Variants in CSMD3 observed in about 807,000 individuals in gnomAD.
The protein encoded by CSMD3 is CUB and sushi domain-containing protein 3.
Under a neutral mutation model 435.2 loss-of-function variants are expected in CSMD3, and 177 were observed. That is an observed-to-expected ratio of 0.41 (90% CI 0.36 to 0.46). CSMD3 has a LOEUF of 0.46. CSMD3 is among the 20% of genes least tolerant of loss of function. The probability of loss-of-function intolerance (pLI) is 0.34; values close to 1 mark genes in which losing one functional copy is unlikely to be tolerated. For synonymous variants in CSMD3, 1,656 were observed against 1,520.5 expected, an observed-to-expected ratio of 1.09 and a Z score of -2.07; for missense variants, 4,265 against 4,504.6, an observed-to-expected ratio of 0.95 and a Z score of 1.52.
intron 22 of CSMD3, among the ~76,000 whole-genome samples, chr8:112,620,039 G>T (rs7464466): frequency 0.55 from 83,703 of 151,700 alleles, 23,352 homozygotes; most frequent in African/African-American, 0.6. Flanking sequence ...AAGTGGAGTG[G>T]GGTTGGGAGT....
intron 4 of CSMD3, among the ~76,000 whole-genome samples, chr8:113,105,767 A>C (rs1001405865): frequency 2.0e-5 from 3 of 152,180 alleles, no homozygotes; most frequent in African/African-American, 7.2e-5. Context: ...AAAAGACACA[A>C]ACTGAACCAA....
At chr8:112,967,481 T>G (rs1050898962) in intron 7 of CSMD3, among the ~76,000 whole-genome samples, 2 of 151,896 alleles carry the variant, frequency 1.3e-5, no homozygotes, top group African/African-American at 2.4e-5. Context: ...CTGAAGCTTT[T>G]TTTAACTAGC....
At chr8:113,186,252 C>T (rs2092499891) in intron 3 of CSMD3, among the ~76,000 whole-genome samples, 1 of 151,952 alleles carries the variant, frequency 6.6e-6, no homozygotes, top group South Asian at 2.1e-4. Flanking sequence ...GTTTCTATTG[C>T]CCTCCTCCCT....
intron 3 of CSMD3, among the ~76,000 whole-genome samples, chr8:113,204,723 G>A (rs2092752335): frequency 6.6e-6 from 1 of 151,970 alleles, no homozygotes; most frequent in Non-Finnish European, 1.5e-5. Flanking sequence ...CATTTTCTAT[G>A]TTTAGATGTA....
intron 22 of CSMD3, among the ~76,000 whole-genome samples, chr8:112,595,355 T>G (rs1252232135): frequency 1.1e-4 from 16 of 144,602 alleles, no homozygotes; most frequent in African/African-American, 3.9e-4. Context: ...CCAAGAAATA[T>G]GGGACTATGT....
intron 9 of CSMD3, among the ~76,000 whole-genome samples, chr8:112,924,363 A>T (rs2082845219): frequency 6.6e-6 from 1 of 152,140 alleles, no homozygotes; most frequent in African/African-American, 2.4e-5. Flanking sequence ...GGGATGGAGA[A>T]AGAAGGCCCA....
chr8:112,675,252 A>G (rs10955631), intron 16 of CSMD3, among the ~76,000 whole-genome samples: 83,656 of 151,924 alleles, frequency 0.55, 24,149 homozygotes, highest in African/African-American at 0.73. Flanking sequence ...CATTTCGAGT[A>G]TCCACAAGAA....
chr8:113,156,171 A>G (rs1436399640), intron 4 of CSMD3, among the ~76,000 whole-genome samples: 3 of 152,096 alleles, frequency 2.0e-5, no homozygotes, highest in Non-Finnish European at 2.9e-5. Flanking sequence ...ACATTACTTT[A>G]TTAACCTTAT....
At chr8:112,369,999 A>AGAGGAAGAG (rs1268253661) in intron 38 of CSMD3, among the ~76,000 whole-genome samples, 1 of 119,538 alleles carries the variant, frequency 8.4e-6, no homozygotes, top group African/African-American at 3.0e-5. Flanking sequence ...AAGAGGAAGA[A>AGAGGAAGAG]GAAGAGGAAG....
intron 7 of CSMD3, among the ~76,000 whole-genome samples, chr8:112,960,403 C>A (rs1032356219): frequency 6.6e-6 from 1 of 151,612 alleles, no homozygotes; most frequent in African/African-American, 2.4e-5. Context: ...ATACAATCTT[C>A]TGAGAAAACA....
At chr8:112,669,309 G>A (rs1219691313) in intron 16 of CSMD3, among the ~76,000 whole-genome samples, 6 of 151,980 alleles carry the variant, frequency 3.9e-5, no homozygotes, top group Non-Finnish European at 5.9e-5. Flanking sequence ...GGGATTACAG[G>A]CATGAGCCAC....
intron 1 of CSMD3, among the ~76,000 whole-genome samples, chr8:113,347,103 T>C (rs1165493999): frequency 1.3e-5 from 2 of 152,046 alleles, no homozygotes; most frequent in Admixed American, 6.6e-5. Context: ...CCTGAACATG[T>C]CTATTAATAA....
At chr8:112,682,381 G>T (rs1586958461) in intron 16 of CSMD3, 61 bp downstream of exon 16, 1 of 1,203,142 alleles carries the variant, frequency 8.3e-7, no homozygotes, top group East Asian at 2.3e-5. Flanking sequence ...TGTGTTTCTT[G>T]TTGTGGTTTC....
intron 1 of CSMD3, among the ~76,000 whole-genome samples, chr8:113,336,447 ACTTAGTTTGATAT>A (rs2094075696): frequency 1.3e-5 from 2 of 151,862 alleles, no homozygotes; most frequent in Admixed American, 1.3e-4. Flanking sequence ...TTTGTTTTTT[ACTTAGTTTGATAT>A]CTTGTTGGTT....
Position 113,270,556 on chromosome 8 carries a change from C to A in CSMD3, c.514+8036G>T, listed in dbSNP as rs914298220. On this transcript the variant is annotated intron_variant, in intron 3 of 70. Coordinates refer to ENST00000297405, the MANE Select transcript of CSMD3 (RefSeq NM_198123.2). ...TTTATTGTGGCACTATTCACAATAGCAAAGACTTGGAACCAATCCAAATGT... is the reference window on the plus strand; with the variant it reads ...TTTATTGTGGCACTATTCACAATAGAAAAGACTTGGAACCAATCCAAATGT... Among the ~76,000 whole-genome samples the A allele has an allele frequency of 1.1e-4, 16 of 152,156 alleles. No homozygotes were observed. The East Asian group carries it at 2.7e-3, about 26-fold the overall frequency.
At chr8:112,533,449 C>G (rs1563669211) in intron 27 of CSMD3, among the ~76,000 whole-genome samples, 3 of 150,882 alleles carry the variant, frequency 2.0e-5, no homozygotes. Context: ...AAACGGAAAC[C>G]AAAAAAAGAG....
intron 6 of CSMD3, among the ~76,000 whole-genome samples, chr8:113,009,801 A>C (rs1587877793): frequency 6.6e-6 from 1 of 151,762 alleles, no homozygotes; most frequent in African/African-American, 2.4e-5. Flanking sequence ...TAATTCTTTC[A>C]CCTCAAGCTG....
chr8:113,259,263 C>T (rs754635211), intron 3 of CSMD3, among the ~76,000 whole-genome samples: 4 of 152,054 alleles, frequency 2.6e-5, no homozygotes, highest in African/African-American at 4.8e-5. Flanking sequence ...ATAAAGGGTA[C>T]GTTTTCATTT....
At chr8:112,988,750 T>C (rs1249211437) in intron 6 of CSMD3, among the ~76,000 whole-genome samples, 1 of 152,054 alleles carries the variant, frequency 6.6e-6, no homozygotes, top group East Asian at 1.9e-4. Flanking sequence ...GGATGTTTTA[T>C]GATGAGGACA....
Sources: allele counts gnomAD v4.1 joint callset (sites outside exome capture counted in the v4.1 genomes callset), GRCh38; gene constraint gnomAD v4.1.1; transcripts MANE v1.5; gene names NCBI Gene and HGNC (gene_info 2026-07-23, HGNC 2026-07-21).